ZNF160: variants seen among roughly 807,000 people sequenced by gnomAD.
The protein encoded by ZNF160 is zinc finger protein 160, also known as KRAB zinc finger protein KR18.
ZNF160 carries 9 observed loss-of-function variants against 13.1 expected under a neutral mutation model. The ratio of observed to expected loss-of-function variants is 0.69; its 90% CI spans 0.41 to 1.20. The LOEUF is 1.20. Among genes scored for constraint, ZNF160 ranks in the 50% most tolerant of loss-of-function variants. The pLI is 0.01. For missense variants in ZNF160, 838 were observed against 988.0 expected (o/e 0.85, Z 2.04); for synonymous variants, 293 against 333.2 (o/e 0.88, Z 1.31).
intron 3 of ZNF160, among the ~76,000 whole-genome samples, chr19:53,076,615 G>A (rs1276441649): frequency 6.6e-6 from 1 of 152,148 alleles, no homozygotes; most frequent in East Asian, 1.9e-4. Flanking sequence ...CTCCAGCCTG[G>A]GTGACAGAGT....
chr19:53,100,139 C>T (rs2085388406), intron 1 of ZNF160, among the ~76,000 whole-genome samples: 1 of 152,184 alleles, frequency 6.6e-6, no homozygotes, highest in African/African-American at 2.4e-5. Flanking sequence ...TGAGCTCTCT[C>T]AGCAAATTTT....
chr19:53,088,928 G>A (rs1440824505), intron 2 of ZNF160, among the ~76,000 whole-genome samples: 2 of 152,192 alleles, frequency 1.3e-5, no homozygotes, highest in Non-Finnish European at 2.9e-5. Context: ...TGTACGCTCT[G>A]ACTGACCTGG....
chr19:53,071,896 A>G (rs1297452689), intron 5 of ZNF160, among the ~76,000 whole-genome samples: 1 of 152,220 alleles, frequency 6.6e-6, no homozygotes, highest in Non-Finnish European at 1.5e-5. Context: ...ATAATATATT[A>G]TAATGGCAAA....
intron 3 of ZNF160, among the ~76,000 whole-genome samples, chr19:53,078,495 A>T (rs1487858343): frequency 6.6e-6 from 1 of 152,028 alleles, no homozygotes; most frequent in African/African-American, 2.4e-5. Context: ...AATCCCAGCT[A>T]CTCAGGAGGC....
At chr19:53,089,899 C>G (rs2084971194) in intron 2 of ZNF160, among the ~76,000 whole-genome samples, 1 of 151,772 alleles carries the variant, frequency 6.6e-6, no homozygotes, top group African/African-American at 2.4e-5. Context: ...CCCCTTCTTC[C>G]CTCCATTCCT....
chr19:53,095,925 A>C (rs1243744259), intron 1 of ZNF160, among the ~76,000 whole-genome samples: 2 of 152,202 alleles, frequency 1.3e-5, no homozygotes, highest in East Asian at 3.8e-4. Context: ...AATTAAAAGG[A>C]AATGATATAT....
At position 53,075,046 on chromosome 19, in the gene ZNF160, G is replaced by C; in HGVS notation, c.142+11C>G. 2 of 1,614,056 alleles carry C rather than the reference G, an allele frequency of 1.2e-6. No individual in the cohort carries two copies. The highest frequency in any genetic ancestry group is 1.7e-6 in the Non-Finnish European group (2 of 1,179,950). Reference sequence around the variant, plus strand: ...AACAGATCTTGACTTCTGGAAGAAAGTCATCCTCACCCAGAGAAACAAGGT... The same window carrying C: ...AACAGATCTTGACTTCTGGAAGAAACTCATCCTCACCCAGAGAAACAAGGT... On this transcript the variant is annotated intron_variant, in intron 4 of 5. Transcript: ENST00000683776.
chr19:53,072,294 A>C (rs146070458), intron 5 of ZNF160, among the ~76,000 whole-genome samples: 130 of 151,914 alleles, frequency 8.6e-4, no homozygotes, highest in African/African-American at 3.1e-3. Flanking sequence ...TAAAGACAGG[A>C]TTTCACCATG....
rs1421521430 is a variant in ZNF160, at chr19:53,067,638, T to C, written c.*439A>G. The C allele has an allele frequency of 6.4e-6, 1 of 155,646 alleles. No individual in the cohort carries two copies. Among genetic ancestry groups the C allele is most frequent in the African/African-American group, 2.4e-5 (1 of 41,512 alleles). 9.6% of individuals were successfully genotyped at this position (155,646 alleles called of 1,614,324 possible). On this transcript the variant is annotated 3_prime_UTR_variant, in exon 6 of 6. Coordinates refer to ENST00000683776, the MANE Select transcript of ZNF160 (RefSeq NM_001322131.2). The stretch of plus-strand genomic sequence containing the variant: ...TCAAATAACTCAGTGAAACATTTCA[T>C]AAGGTGAAGGTAACTGACTGCCTAC...
rs918618968 is a variant in ZNF160 at position 53,069,709 on chromosome 19, A to G, written c.825T>C (p.His275=). Residue 275 remains histidine (H), a synonymous_variant, in exon 6 of 6, where the codon CAT becomes CAC. Coordinates refer to ENST00000683776, the MANE Select transcript of ZNF160 (RefSeq NM_001322131.2). The surrounding 1 kb of genome is among the most constrained non-coding windows in gnomAD (Gnocchi z 4.4). ...GCTTCTCTCCACTATGAATTCTCCT[A>G]TGACTTGTAAGGTTCGAATTCTGAG... The part of the protein sequence containing the change: ...AFTQNSNLTS[H]RRIHSGEKPY... The G allele has an allele frequency of 1.2e-6, 2 of 1,614,186 alleles. No individual in the cohort carries two copies. Among genetic ancestry groups the G allele is most frequent in the East Asian group, 2.2e-5 (1 of 44,892 alleles).
At chr19:53,087,809 C>T (rs2084898928) in intron 2 of ZNF160, among the ~76,000 whole-genome samples, 1 of 152,202 alleles carries the variant, frequency 6.6e-6, no homozygotes. Context: ...GCCTCGGCCT[C>T]CCAAAGTGCT....
intron 3 of ZNF160, among the ~76,000 whole-genome samples, chr19:53,084,224 T>C (rs1178817308): frequency 1.3e-5 from 2 of 152,184 alleles, no homozygotes; most frequent in Non-Finnish European, 2.9e-5. Context: ...AACCCCCTGG[T>C]ACGTAAGGCA....
In ZNF160 at chr19:53,067,654, G is replaced by C. The variant is rs1464493707; in HGVS notation, c.*423C>G. Reference sequence around the variant, plus strand: ...AACATTTCATAAGGTGAAGGTAACTGACTGCCTACAAATATCCTGCAACCT... The same window carrying C: ...AACATTTCATAAGGTGAAGGTAACTCACTGCCTACAAATATCCTGCAACCT... On this transcript the variant is annotated 3_prime_UTR_variant, in exon 6 of 6. Transcript: ENST00000683776. The C allele has an allele frequency of 6.4e-6, 1 of 157,152 alleles. No homozygotes were observed. Among genetic ancestry groups the C allele is most frequent in the African/African-American group, 2.4e-5 (1 of 41,562 alleles). The allele number at this position is 157,152 out of a possible 1,614,324, so 9.7% of individuals were successfully genotyped here.
chr19:53,088,449 G>C (rs2084922519), intron 2 of ZNF160, among the ~76,000 whole-genome samples: 1 of 150,522 alleles, frequency 6.6e-6, no homozygotes, highest in South Asian at 2.1e-4. Context: ...GAGGTGGAAA[G>C]ACTACTTGAG....
Position 53,067,210 on chromosome 19 carries a change from A to G in ZNF160, c.*867T>C, listed in dbSNP as rs1183487312. 1 of 152,006 alleles carries G rather than the reference A, an allele frequency of 6.6e-6. No individual in the cohort carries two copies. The highest frequency in any genetic ancestry group is 2.4e-5 in the African/African-American group (1 of 41,372). 9.4% of individuals were successfully genotyped at this position (152,006 alleles called of 1,614,324 possible). A position where few individuals can be genotyped will look rare whatever the true frequency, so the allele number is the denominator to read the frequency against. ...TCTACCACACAATCAGTGTCTAATT[A>G]CCTATTACTCTCCTCCCACAAAAAT... is the stretch of plus-strand genomic sequence containing the variant. On this transcript the variant is annotated 3_prime_UTR_variant, in exon 6 of 6. Transcript: ENST00000683776.
At chr19:53,094,203 G>C (rs1164329331) in intron 1 of ZNF160, among the ~76,000 whole-genome samples, 1 of 152,156 alleles carries the variant, frequency 6.6e-6, no homozygotes, top group East Asian at 1.9e-4. Flanking sequence ...TTAAGGGAAT[G>C]GTTGGCGACC....
At chr19:53,090,797 G>A (rs1379653296) in intron 2 of ZNF160, among the ~76,000 whole-genome samples, 2 of 152,242 alleles carry the variant, frequency 1.3e-5, no homozygotes, top group African/African-American at 2.4e-5. Context: ...CTGTGCAGAC[G>A]CAATGAAGGG....
rs769421587 is a variant in ZNF160 at position 53,069,614 on chromosome 19, T to C, written c.920A>G (p.His307Arg). 1.9e-6 allele frequency: 3 copies of C among 1,614,214 alleles called. No homozygotes were observed. Among genetic ancestry groups the C allele is most frequent in the South Asian group, 1.1e-5 (1 of 91,084 alleles). Residue 307 changes from histidine to arginine, a missense_variant, in exon 6 of 6, where the codon CAT becomes CGT. Around this residue, in one of 3 missense-constraint regions of ZNF160, gnomAD observed 387 missense variants for 402.3 expected, o/e 0.96. Coordinates refer to ENST00000683776, the MANE Select transcript of ZNF160 (RefSeq NM_001322131.2). This position sits in a 1 kb window ranked among gnomAD's most constrained non-coding sequence, Gnocchi z 4.4. ...ACATTTGTAAGGTTTTTCTCCAGTA[T>C]GGATGACCTGATGAATAGTTAGATT... ...RSNLTIHQVI[H>R]TGEKPYKCHE...
chr19:53,068,678 T>A lies in ZNF160; in HGVS notation c.1856A>T (p.Lys619Ile), dbSNP rs948331608. ...GCCGCATTCATGACATTTGTAAGGT[T>A]TCTCTCCAGTATGTATTGCCTGATG... ...TFHQAIHTGE[K>I]PYKCHECGKV... Residue 619 changes from lysine to isoleucine, a missense_variant, in exon 6 of 6, where the codon AAA becomes ATA. Around this residue, in one of 3 missense-constraint regions of ZNF160, gnomAD observed 400 missense variants for 538.9 expected, o/e 0.74. Coordinates refer to ENST00000683776, the MANE Select transcript of ZNF160 (RefSeq NM_001322131.2). 2.5e-6 allele frequency: 4 copies of A among 1,614,118 alleles called. No individual in the cohort carries two copies. Among genetic ancestry groups the A allele is most frequent in the East Asian group, 2.2e-5 (1 of 44,872 alleles).
Sources: gnomAD v4.1 joint callset for allele counts (sites outside exome capture counted in the v4.1 genomes callset) on GRCh38, gnomAD v4.1.1 for gene constraint, gnomAD v4.1.1 regional missense constraint, Gnocchi (gnomAD v3.1) non-coding constraint, MANE v1.5 for transcripts, NCBI Gene and HGNC (gene_info 2026-07-23, HGNC 2026-07-21) for gene names.